Variants in TBC1D22A observed in about 807,000 individuals in gnomAD.
The protein encoded by TBC1D22A is TBC1 domain family member 22A.
Under a neutral mutation model 60.2 loss-of-function variants are expected in TBC1D22A, and 38 were observed. That is an observed-to-expected ratio of 0.63 (90% confidence interval 0.49 to 0.83). The LOEUF (loss-of-function observed/expected upper bound fraction) is 0.83, where lower values mean the gene tolerates loss of function less well. TBC1D22A is among the 40% of genes least tolerant of loss of function. The pLI, the probability that TBC1D22A is intolerant of heterozygous loss-of-function variation, is 0.00. For synonymous variants in TBC1D22A, 302 were observed against 281.7 expected (o/e 1.07, Z -0.72); for missense variants, 628 against 701.0 (o/e 0.90, Z 1.18).
chr22:47,132,495 G>C (rs4823593), intron 12 of TBC1D22A, among the ~76,000 whole-genome samples: 1 of 145,492 alleles, frequency 6.9e-6, no homozygotes, highest in Non-Finnish European at 1.5e-5. Context: ...TTACCTGCCC[G>C]GCCTTAGTCC....
chr22:47,065,351 C>T (rs2063716313), intron 11 of TBC1D22A, among the ~76,000 whole-genome samples: 1 of 152,124 alleles, frequency 6.6e-6, no homozygotes, highest in Non-Finnish European at 1.5e-5. Context: ...TTTTTTAGTT[C>T]TTTTTGGTTC....
intron 4 of TBC1D22A, among the ~76,000 whole-genome samples, chr22:46,805,785 G>GT (rs1569062802): frequency 1.3e-5 from 2 of 151,138 alleles, no homozygotes; most frequent in African/African-American, 4.9e-5. Flanking sequence ...GTCTCTCACC[G>GT]CCCCCCCACA....
chr22:46,998,788 T>A (rs1489315534), intron 10 of TBC1D22A, among the ~76,000 whole-genome samples: 3 of 152,306 alleles, frequency 2.0e-5, no homozygotes, highest in African/African-American at 7.2e-5. Flanking sequence ...GCAGTTCTTC[T>A]GATAATACTT....
chr22:46,861,050 C>T (rs2087853354), intron 4 of TBC1D22A, among the ~76,000 whole-genome samples: 1 of 152,086 alleles, frequency 6.6e-6, no homozygotes, highest in South Asian at 2.1e-4. Context: ...CTCTGCCTCC[C>T]GGGTTCAAGC....
At chr22:46,841,620 T>C (rs1360888134) in intron 4 of TBC1D22A, among the ~76,000 whole-genome samples, 1 of 152,180 alleles carries the variant, frequency 6.6e-6, no homozygotes, top group African/African-American at 2.4e-5. Flanking sequence ...CTTCCTTATA[T>C]GTGGAATCCA....
chr22:47,122,138 CACTGGGGATGAGGA>C (rs1376481603), intron 12 of TBC1D22A, among the ~76,000 whole-genome samples: 2 of 152,160 alleles, frequency 1.3e-5, no homozygotes, highest in African/African-American at 4.8e-5. Flanking sequence ...ACATGAGGGG[CACTGGGGATGAGGA>C]GCTGGGGATG....
intron 8 of TBC1D22A, among the ~76,000 whole-genome samples, chr22:46,973,780 C>G (rs986239169): frequency 4.6e-5 from 7 of 152,176 alleles, no homozygotes; most frequent in African/African-American, 1.7e-4. Context: ...GCGCCATTGT[C>G]TGTTCTATCT....
chr22:46,903,072 C>G (rs1238829645), intron 7 of TBC1D22A, among the ~76,000 whole-genome samples: 2 of 152,222 alleles, frequency 1.3e-5, no homozygotes, highest in East Asian at 3.9e-4. Context: ...CTTCTATTTC[C>G]TGGCCCGGTT....
intron 4 of TBC1D22A, among the ~76,000 whole-genome samples, chr22:46,800,222 A>G (rs1476242241): frequency 1.3e-5 from 2 of 152,044 alleles, no homozygotes. Flanking sequence ...ACGTTTCTTC[A>G]GGCGCCTGAA....
At chr22:46,938,778 G>T (rs2071812114) in intron 8 of TBC1D22A, among the ~76,000 whole-genome samples, 1 of 151,834 alleles carries the variant, frequency 6.6e-6, no homozygotes. Context: ...TAGAGATGGG[G>T]TTTCACCATG....
chr22:47,109,526 G>A (rs917418813), intron 11 of TBC1D22A, among the ~76,000 whole-genome samples: 13 of 152,074 alleles, frequency 8.5e-5, no homozygotes, highest in South Asian at 2.1e-4. Flanking sequence ...TTTCTGGCCC[G>A]AATCACTAGC....
chr22:46,967,269 T>C (rs1325076973), intron 8 of TBC1D22A, among the ~76,000 whole-genome samples: 1 of 152,238 alleles, frequency 6.6e-6, no homozygotes, highest in Non-Finnish European at 1.5e-5. Flanking sequence ...ATTTATAGTC[T>C]TGAGTTGTTA....
At chr22:46,992,914 C>T (rs953599167) in intron 9 of TBC1D22A, among the ~76,000 whole-genome samples, 1 of 152,054 alleles carries the variant, frequency 6.6e-6, no homozygotes, top group Non-Finnish European at 1.5e-5. Flanking sequence ...AAAGACTTCC[C>T]GAGGTGTTTC....
intron 9 of TBC1D22A, among the ~76,000 whole-genome samples, chr22:46,993,418 G>T (rs865798340): frequency 6.6e-6 from 1 of 152,158 alleles, no homozygotes; most frequent in Non-Finnish European, 1.5e-5. Flanking sequence ...AAAGATACCA[G>T]ATCTCAATTG....
chr22:47,111,343 G>T (rs1341457078), intron 11 of TBC1D22A, among the ~76,000 whole-genome samples, 165 bp from the exon 12 acceptor site: 1 of 152,220 alleles, frequency 6.6e-6, no homozygotes, highest in African/African-American at 2.4e-5. Context: ...TGTTTTAATG[G>T]AATGAGGATT....
rs562726750 is a variant in TBC1D22A, at chr22:46,882,057, G to T, written c.708+3334G>T. On this transcript the variant is annotated intron_variant, in intron 5 of 12. Transcript: ENST00000337137. ...GTACTGGGAACTCAGCAGGGAAGGG[G>T]TCTCCCCAATCAAGGATGCCTCTTT... 2.6e-5 allele frequency among the ~76,000 whole-genome samples: 4 copies of T among 152,320 alleles called. No homozygotes were observed. The Middle Eastern group carries it at 0.01, about 389-fold the overall frequency.
chr22:46,766,084 G>A (rs1468186774), intron 1 of TBC1D22A, among the ~76,000 whole-genome samples: 2 of 150,748 alleles, frequency 1.3e-5, no homozygotes, highest in Non-Finnish European at 3.0e-5. Flanking sequence ...TGCAAGCTCC[G>A]CCTCCCGGGT....
intron 7 of TBC1D22A, among the ~76,000 whole-genome samples, chr22:46,911,073 A>G (rs1275603061): frequency 6.6e-6 from 1 of 152,090 alleles, no homozygotes; most frequent in Non-Finnish European, 1.5e-5. Context: ...GTCTTCAGCC[A>G]GGTGTGCACA....
intron 10 of TBC1D22A, among the ~76,000 whole-genome samples, chr22:47,007,538 T>C (rs2061630779): frequency 6.6e-6 from 1 of 152,124 alleles, no homozygotes; most frequent in African/African-American, 2.4e-5. Flanking sequence ...TAAAGCACAG[T>C]TTACTTTATC....
Sources: gnomAD v4.1 joint callset for allele counts (sites outside exome capture counted in the v4.1 genomes callset) on GRCh38, gnomAD v4.1.1 for gene constraint, MANE v1.5 for transcripts, NCBI Gene and HGNC (gene_info 2026-07-23, HGNC 2026-07-21) for gene names.